The following CMTM8 variants were observed in gnomAD, a reference collection of about 807,000 sequenced individuals.
CMTM8 encodes the protein CKLF-like MARVEL transmembrane domain-containing protein 8.
Under a neutral mutation model 18.6 loss-of-function variants are expected in CMTM8, and 12 were observed. That is an observed-to-expected ratio of 0.65 (90% confidence interval 0.41 to 1.05). The LOEUF is 1.05. CMTM8 is among the 50% of genes least tolerant of loss of function. The pLI is 0.00. For synonymous variants in CMTM8, 87 were observed against 90.6 expected (o/e 0.96, Z 0.23); for missense variants, 217 against 227.2 (o/e 0.95, Z 0.29).
At chr3:32,257,927 G>A (rs533202513) in intron 1 of CMTM8, among the ~76,000 whole-genome samples, 2 of 152,232 alleles carry the variant, frequency 1.3e-5, no homozygotes, top group East Asian at 1.9e-4. Flanking sequence ...AGGGCTGGGA[G>A]GGGGAAGCTA....
intron 1 of CMTM8, among the ~76,000 whole-genome samples, chr3:32,258,161 T>C (rs1009107911): frequency 6.6e-6 from 1 of 152,152 alleles, no homozygotes; most frequent in African/African-American, 2.4e-5. Context: ...TGGAGGACTG[T>C]TTTTTTCAGT....
intron 1 of CMTM8, among the ~76,000 whole-genome samples, chr3:32,328,513 G>A (rs1696210238): frequency 7.1e-6 from 1 of 141,720 alleles, no homozygotes; most frequent in Non-Finnish European, 1.5e-5. Context: ...TCGTGCCACT[G>A]CACTCCAGCC....
At chr3:32,249,030 CTTTTTTTT>C (rs58156524) in intron 1 of CMTM8, among the ~76,000 whole-genome samples, 5 of 62,454 alleles carry the variant, frequency 8.0e-5, no homozygotes, top group African/African-American at 2.7e-4. Flanking sequence ...AATGTGGAAT[CTTTTTTTT>C]TTTTTTTTTT....
chr3:32,327,626 G>A (rs531566193), intron 1 of CMTM8, among the ~76,000 whole-genome samples: 1 of 152,324 alleles, frequency 6.6e-6, no homozygotes, highest in Admixed American at 6.5e-5. Context: ...TAACTGGAGA[G>A]TTCCATTCCC....
chr3:32,327,296 G>C (rs1696181464), intron 1 of CMTM8, among the ~76,000 whole-genome samples: 2 of 152,136 alleles, frequency 1.3e-5, no homozygotes. Context: ...ACAGCAACTT[G>C]ATAACATCTT....
intron 1 of CMTM8, among the ~76,000 whole-genome samples, chr3:32,290,632 T>G (rs935809058): frequency 6.6e-6 from 1 of 152,250 alleles, no homozygotes; most frequent in African/African-American, 2.4e-5. Flanking sequence ...TTTTCAAGTA[T>G]TAAAAACAAA....
At chr3:32,362,723 T>C (rs1295858024) in intron 2 of CMTM8, among the ~76,000 whole-genome samples, 1 of 152,156 alleles carries the variant, frequency 6.6e-6, no homozygotes, top group African/African-American at 2.4e-5. Flanking sequence ...ATTGTAAATC[T>C]TCCAAAAGAC....
At chr3:32,340,252 C>T (rs1051688281) in intron 1 of CMTM8, among the ~76,000 whole-genome samples, 4 of 152,174 alleles carry the variant, frequency 2.6e-5, no homozygotes, top group African/African-American at 9.7e-5. Flanking sequence ...GGTTGTATCA[C>T]CTTAGTCTTC....
At chr3:32,285,522 A>T (rs1045600288) in intron 1 of CMTM8, among the ~76,000 whole-genome samples, 1 of 114,678 alleles carries the variant, frequency 8.7e-6, no homozygotes, top group African/African-American at 2.8e-5. Context: ...CAAAAAAAAA[A>T]AAAATTAAAT....
At chr3:32,275,743 G>A (rs1045657043) in intron 1 of CMTM8, among the ~76,000 whole-genome samples, 2 of 145,364 alleles carry the variant, frequency 1.4e-5, no homozygotes, top group African/African-American at 2.6e-5. Flanking sequence ...TCCACCTCCA[G>A]GGCTCAAGCA....
At position 32,358,766 on chromosome 3, in the gene CMTM8, T is replaced by C. The variant is rs941240252; in HGVS notation, c.321+1220T>C. On this transcript the variant is annotated intron_variant, in intron 2 of 3. Coordinates refer to ENST00000307526, the MANE Select transcript of CMTM8 (RefSeq NM_178868.5). The surrounding 1 kb of genome is among the most constrained non-coding windows in gnomAD (Gnocchi z 4.1). ...AAAGCGTTGCAAGTTTGAAAAGTAATTCCAAATAAGGTGCTTAATCACTGT... is the reference window on the plus strand; with the variant it reads ...AAAGCGTTGCAAGTTTGAAAAGTAACTCCAAATAAGGTGCTTAATCACTGT... 4.6e-5 allele frequency among the ~76,000 whole-genome samples: 7 copies of C among 152,206 alleles called. No homozygotes were observed. The highest frequency in any genetic ancestry group is 1.9e-4 in the East Asian group (1 of 5,202).
At position 32,369,745 on chromosome 3, in the gene CMTM8, C is replaced by T. The variant is rs917782742; in HGVS notation, c.439-139C>T. 5 of 486,218 alleles carry T rather than the reference C, an allele frequency of 1.0e-5. No individual in the cohort carries two copies. The South Asian group carries it at 1.4e-4, about 13-fold the overall frequency. The allele number at this position is 486,218 out of a possible 1,614,324, so 30.1% of individuals were successfully genotyped here. A position where few individuals can be genotyped will look rare whatever the true frequency, so the allele number is the denominator to read the frequency against. On this transcript the variant is annotated intron_variant, in intron 3 of 3. Transcript: ENST00000307526. ...TCATTTGAGAAGGATAGTAATTGAA[C>T]CAATAAAGTAGTTTTAGATGGCAAA...
At chr3:32,247,234 ATTGAC>A (rs1197806858) in intron 1 of CMTM8, among the ~76,000 whole-genome samples, 1 of 152,150 alleles carries the variant, frequency 6.6e-6, no homozygotes, top group Non-Finnish European at 1.5e-5. Flanking sequence ...TACATATAAA[ATTGAC>A]CTTTTTAAAG....
intron 1 of CMTM8, among the ~76,000 whole-genome samples, chr3:32,276,924 G>A (rs139935757): frequency 6.6e-6 from 1 of 151,622 alleles, no homozygotes; most frequent in South Asian, 2.1e-4. Context: ...GTCTCACTCT[G>A]TCACCCAGGC....
At chr3:32,322,701 C>A (rs1241416894) in intron 1 of CMTM8, among the ~76,000 whole-genome samples, 4 of 152,168 alleles carry the variant, frequency 2.6e-5, no homozygotes, top group Admixed American at 2.6e-4. Flanking sequence ...GGGTGCCTGG[C>A]CCAAGATGGG....
intron 1 of CMTM8, among the ~76,000 whole-genome samples, chr3:32,318,104 G>A (rs913179709): frequency 7.2e-6 from 1 of 138,584 alleles, no homozygotes; most frequent in East Asian, 2.1e-4. Context: ...TCTTAGAAAA[G>A]ATCTCCCAAA....
intron 1 of CMTM8, among the ~76,000 whole-genome samples, chr3:32,340,412 C>T (rs1866261): frequency 0.97 from 147,605 of 152,312 alleles, 71,698 homozygotes; most frequent in East Asian, 1. Flanking sequence ...GAGAGGTCAG[C>T]TTGAGGATAA....
At chr3:32,260,008 G>T in intron 1 of CMTM8, 1 of 1,129,804 alleles carries the variant, frequency 8.9e-7, no homozygotes. Flanking sequence ...CAGAGGGACA[G>T]CACCAGGCCC....
chr3:32,368,608 G>A (rs1697091819), intron 3 of CMTM8, among the ~76,000 whole-genome samples: 1 of 151,774 alleles, frequency 6.6e-6, no homozygotes, highest in South Asian at 2.1e-4. Flanking sequence ...CTAGAATCCT[G>A]CACCACCATG....
Sources: gnomAD v4.1 joint callset for allele counts (sites outside exome capture counted in the v4.1 genomes callset) on GRCh38, gnomAD v4.1.1 for gene constraint, Gnocchi (gnomAD v3.1) non-coding constraint, MANE v1.5 for transcripts, NCBI Gene and HGNC (gene_info 2026-07-23, HGNC 2026-07-21) for gene names.